The following NUBPL variants were observed in gnomAD, a reference collection of about 807,000 sequenced individuals.
NUBPL encodes the protein iron-sulfur cluster transfer protein NUBPL.
In NUBPL, 31 loss-of-function variants were observed where a neutral mutation model predicts 45.7. The observed-to-expected ratio is 0.68, with a 90% CI of 0.51 to 0.92. The LOEUF is 0.92. NUBPL is among the 40% of genes least tolerant of loss of function. NUBPL has a pLI of 0.00. For synonymous variants in NUBPL, 144 were observed against 140.9 expected, an observed-to-expected ratio of 1.02 and a Z score of -0.15; for missense variants, 401 against 398.7, an observed-to-expected ratio of 1.01 and a Z score of -0.05.
chr14:31,745,172 G>A (rs1456400621), intron 6 of NUBPL, among the ~76,000 whole-genome samples: 2 of 151,866 alleles, frequency 1.3e-5, no homozygotes, highest in Non-Finnish European at 2.9e-5. Context: ...ATTTGCATTA[G>A]GTATGTCTCC....
chr14:31,787,538 G>T lies in NUBPL; in HGVS notation c.514-242G>T, dbSNP rs186015923. On this transcript the variant is annotated intron_variant, in intron 6 of 10. Coordinates refer to ENST00000281081, the MANE Select transcript of NUBPL (RefSeq NM_025152.3). The stretch of plus-strand genomic sequence containing the variant: ...ACTGAGAAGTGAGTTCAACATTAAC[G>T]TGTGTGTATGCGGATGAGTCATCTG... 1.6e-4 allele frequency among the ~76,000 whole-genome samples: 25 copies of T among 152,280 alleles called. No individual in the cohort carries two copies. In the East Asian group the frequency reaches 4.2e-3, roughly 26 times the overall value.
Position 31,807,156 on chromosome 14 carries a change from C to A in NUBPL, c.607+19283C>A, listed in dbSNP as rs12807371. 3.5e-3 allele frequency among the ~76,000 whole-genome samples: 540 copies of A among 152,302 alleles called. 1 individual carries two copies. The highest frequency in any genetic ancestry group is 0.012 in the African/African-American group (486 of 41,550). On this transcript the variant is annotated intron_variant, in intron 7 of 10. Transcript: ENST00000281081. ...ATACCCAGTAATGGGATGGCTGGGT[C>A]AAATGGTGTTTCTAGTTTTAGATCC...
intron 4 of NUBPL, among the ~76,000 whole-genome samples, chr14:31,607,935 G>C (rs1024325992): frequency 6.6e-6 from 1 of 152,012 alleles, no homozygotes; most frequent in Admixed American, 6.6e-5. Context: ...CTATCCAAAG[G>C]CATTTAATAA....
At chr14:31,761,940 A>G (rs1260521731) in intron 6 of NUBPL, among the ~76,000 whole-genome samples, 2 of 152,184 alleles carry the variant, frequency 1.3e-5, no homozygotes, top group Non-Finnish European at 2.9e-5. Flanking sequence ...TATTACCTAT[A>G]TGAATTTGAT....
chr14:31,765,808 G>A (rs2038902315), intron 6 of NUBPL, among the ~76,000 whole-genome samples: 1 of 151,986 alleles, frequency 6.6e-6, no homozygotes, highest in Non-Finnish European at 1.5e-5. Context: ...AAAAGCATTT[G>A]GGCTAATTAA....
At chr14:31,750,756 C>G (rs112521195) in intron 6 of NUBPL, among the ~76,000 whole-genome samples, 1,624 of 151,976 alleles carry the variant, frequency 0.011, 24 homozygotes, top group African/African-American at 0.037. Context: ...AGCTTTAGTT[C>G]TGGTTGTATA....
At chr14:31,680,524 T>C (rs1394845734) in intron 6 of NUBPL, among the ~76,000 whole-genome samples, 1 of 152,136 alleles carries the variant, frequency 6.6e-6, no homozygotes, top group Non-Finnish European at 1.5e-5. Context: ...TTTGGTTATT[T>C]ATTCTCACTG....
intron 7 of NUBPL, among the ~76,000 whole-genome samples, chr14:31,822,369 C>T (rs2040031990): frequency 6.6e-6 from 1 of 151,914 alleles, no homozygotes; most frequent in Non-Finnish European, 1.5e-5. Context: ...CTAGGTTATG[C>T]TAGATTAAGG....
At chr14:31,804,138 A>G (rs143295044) in intron 7 of NUBPL, among the ~76,000 whole-genome samples, 1 of 152,296 alleles carries the variant, frequency 6.6e-6, no homozygotes, top group African/African-American at 2.4e-5. Context: ...AAAGGAAGGG[A>G]CATAATTTCT....
At position 31,854,185 on chromosome 14, in the gene NUBPL, T is replaced by G. The variant is rs899520549; in HGVS notation, c.897+3984T>G. Among the ~76,000 whole-genome samples the G allele has an allele frequency of 3.9e-5, 6 of 152,184 alleles. No homozygotes were observed. In the South Asian group the frequency reaches 1.0e-3, roughly 26 times the overall value. On this transcript the variant is annotated intron_variant, in intron 10 of 10. Transcript: ENST00000281081. ...ACAAAGGAAAAGACCTTTGTGCACT[T>G]TGGTTACCATTCATTCCCTGTTGCT...
intron 6 of NUBPL, among the ~76,000 whole-genome samples, chr14:31,772,920 CT>C (rs1215541117): frequency 6.6e-5 from 10 of 152,112 alleles, no homozygotes; most frequent in Admixed American, 1.3e-4. Flanking sequence ...GATTAGAGAA[CT>C]TTTTATCATT....
intron 8 of NUBPL, chr14:31,844,398 T>C (rs560861495): frequency 5.9e-5 from 9 of 152,364 alleles, no homozygotes; most frequent in African/African-American, 1.2e-4. Context: ...GTGTATTATA[T>C]AGGCATAGTT....
At chr14:31,768,239 C>G (rs1385342808) in intron 6 of NUBPL, among the ~76,000 whole-genome samples, 1 of 152,216 alleles carries the variant, frequency 6.6e-6, no homozygotes, top group Non-Finnish European at 1.5e-5. Flanking sequence ...AGAAAATATT[C>G]TCATCTTAGA....
chr14:31,706,132 T>C (rs926859234), intron 6 of NUBPL, among the ~76,000 whole-genome samples: 1 of 149,602 alleles, frequency 6.7e-6, no homozygotes, highest in African/African-American at 2.4e-5. Context: ...CAAGGGCTGC[T>C]AGCACATTGT....
intron 6 of NUBPL, among the ~76,000 whole-genome samples, chr14:31,720,270 A>G (rs982783612): frequency 1.3e-5 from 2 of 152,218 alleles, no homozygotes; most frequent in Non-Finnish European, 2.9e-5. Flanking sequence ...GAGTACTGCA[A>G]TAATAACGTG....
chr14:31,815,125 G>A (rs914975056), intron 7 of NUBPL, among the ~76,000 whole-genome samples: 4 of 152,020 alleles, frequency 2.6e-5, no homozygotes, highest in African/African-American at 7.2e-5. Context: ...AATTACTTTG[G>A]GCAGTATCGC....
intron 2 of NUBPL, among the ~76,000 whole-genome samples, chr14:31,563,558 A>G (rs981801127): frequency 3.3e-5 from 5 of 152,234 alleles, no homozygotes; most frequent in African/African-American, 1.2e-4. Flanking sequence ...CTAAGTCTTA[A>G]AAATAGGTTA....
intron 10 of NUBPL, among the ~76,000 whole-genome samples, chr14:31,853,647 C>T (rs906476023): frequency 6.6e-6 from 1 of 152,150 alleles, no homozygotes; most frequent in Non-Finnish European, 1.5e-5. Flanking sequence ...GAATTTAAGA[C>T]ATCATTGGAA....
At chr14:31,572,258 G>A (rs1419313051) in intron 3 of NUBPL, among the ~76,000 whole-genome samples, 2 of 152,052 alleles carry the variant, frequency 1.3e-5, no homozygotes, top group African/African-American at 4.8e-5. Flanking sequence ...CCCTGCCTCA[G>A]CCTCCCGAGT....
Sources: gnomAD v4.1 joint callset for allele counts (sites outside exome capture counted in the v4.1 genomes callset) on GRCh38, gnomAD v4.1.1 for gene constraint, MANE v1.5 for transcripts, NCBI Gene and HGNC (gene_info 2026-07-23, HGNC 2026-07-21) for gene names.